Variants in LRRIQ1 observed in about 807,000 individuals in gnomAD.
LRRIQ1 encodes the protein leucine rich repeats and IQ motif containing 1.
LRRIQ1 carries 210 observed loss-of-function variants against 211.9 expected under a neutral mutation model. That is an observed-to-expected ratio of 0.99 (90% CI 0.89 to 1.11). The LOEUF is 1.11. LRRIQ1 is among the 50% of genes most tolerant of loss of function. The probability of loss-of-function intolerance (pLI) is 0.00; values close to 1 mark genes in which losing one functional copy is unlikely to be tolerated. For synonymous variants in LRRIQ1, 699 were observed against 650.1 expected (o/e 1.08, Z -1.14); for missense variants, 2,136 against 1,939.5 (o/e 1.10, Z -1.90).
intron 9 of LRRIQ1, among the ~76,000 whole-genome samples, chr12:85,066,025 G>A (rs1176870898): frequency 2.0e-5 from 3 of 151,836 alleles, no homozygotes; most frequent in African/African-American, 7.3e-5. Flanking sequence ...ACATCATGTT[G>A]GCTAATGTTT....
At chr12:85,100,708 C>T (rs76445307) in intron 13 of LRRIQ1, among the ~76,000 whole-genome samples, 3,766 of 151,692 alleles carry the variant, frequency 0.025, 161 homozygotes, top group East Asian at 0.2. Context: ...TACCTGTAAC[C>T]TTCTGCCATT....
chr12:85,265,764 CTT>C (rs1896405164), downstream of LRRIQ1, among the ~76,000 whole-genome samples: 1 of 151,750 alleles, frequency 6.6e-6, no homozygotes, highest in South Asian at 2.1e-4. Flanking sequence ...ATAATAATAT[CTT>C]GTTTCTTTTT....
chr12:85,231,714 C>T (rs1894950203), intron 25 of LRRIQ1, among the ~76,000 whole-genome samples: 1 of 152,088 alleles, frequency 6.6e-6, no homozygotes, highest in African/African-American at 2.4e-5. Flanking sequence ...CTCATGGGAA[C>T]TAATCCAGTC....
chr12:85,040,476 AT>A lies in LRRIQ1; in HGVS notation c.133-12del, dbSNP rs777201755. 5.5e-6 allele frequency: 8 copies of A among 1,461,484 alleles called. No homozygotes were observed. The highest frequency in any genetic ancestry group is 1.4e-5 in the African/African-American group (1 of 70,284). 90.5% of individuals were successfully genotyped at this position (1,461,484 alleles called of 1,614,324 possible). ...AAACACTTTCACAGTTTCTTGTATT[AT>A]TCAAATTTTTAGGATTCAGTTGAAT... On this transcript the variant is annotated splice_polypyrimidine_tract_variant and intron_variant, in intron 2 of 26. Coordinates refer to ENST00000393217, the MANE Select transcript of LRRIQ1 (RefSeq NM_001079910.2).
intron 1 of LRRIQ1, among the ~76,000 whole-genome samples, chr12:85,257,124 A>AAT (rs36128951): frequency 1.4e-4 from 4 of 29,232 alleles, no homozygotes; most frequent in Non-Finnish European, 2.9e-4. Flanking sequence ...ATTACATAAT[A>AAT]TATAATATAT....
intron 18 of LRRIQ1, among the ~76,000 whole-genome samples, chr12:85,136,352 C>T (rs1889132370): frequency 6.6e-6 from 1 of 151,910 alleles, no homozygotes. Context: ...AAAAAGGGAA[C>T]GCTTCAGGTA....
At chr12:85,074,729 A>C (rs1214772775) in intron 11 of LRRIQ1, among the ~76,000 whole-genome samples, 1 of 152,072 alleles carries the variant, frequency 6.6e-6, no homozygotes, top group African/African-American at 2.4e-5. Context: ...AAAATTGGTA[A>C]AACTGTGTTT....
intron 26 of LRRIQ1, among the ~76,000 whole-genome samples, chr12:85,244,110 T>G (rs2137272222): frequency 6.6e-6 from 1 of 151,744 alleles, no homozygotes; most frequent in South Asian, 2.1e-4. Flanking sequence ...TGTACAACAC[T>G]GTTTTATAGG....
intron 24 of LRRIQ1, among the ~76,000 whole-genome samples, chr12:85,183,913 A>C (rs559041492): frequency 5.9e-5 from 9 of 152,210 alleles, no homozygotes; most frequent in African/African-American, 2.2e-4. Context: ...TTAAAATTAC[A>C]TACAGGCATA....
intron 15 of LRRIQ1, among the ~76,000 whole-genome samples, chr12:85,110,019 C>T (rs1887060589): frequency 1.3e-5 from 2 of 152,040 alleles, no homozygotes; most frequent in Non-Finnish European, 2.9e-5. Flanking sequence ...ATGATAGTCT[C>T]ATGGGGTGGT....
chr12:85,094,881 T>C (rs1045862852), intron 11 of LRRIQ1, among the ~76,000 whole-genome samples: 9 of 152,082 alleles, frequency 5.9e-5, no homozygotes, highest in African/African-American at 2.2e-4. Flanking sequence ...TGTATGTCTA[T>C]TGTAAATGGA....
At chr12:85,253,900 G>A (rs1896016489) in intron 1 of LRRIQ1, among the ~76,000 whole-genome samples, 1 of 152,000 alleles carries the variant, frequency 6.6e-6, no homozygotes, top group Non-Finnish European at 1.5e-5. Context: ...ATCTGCTGAT[G>A]TAGTTTGGAT....
chr12:85,196,552 AC>A (rs1328248253), intron 24 of LRRIQ1, among the ~76,000 whole-genome samples: 3 of 152,146 alleles, frequency 2.0e-5, no homozygotes, highest in Non-Finnish European at 4.4e-5. Context: ...TCTTTGACAA[AC>A]CTGAGAAAAA....
At chr12:85,228,167 C>G (rs192526213) in intron 24 of LRRIQ1, among the ~76,000 whole-genome samples, 1 of 152,150 alleles carries the variant, frequency 6.6e-6, no homozygotes, top group Admixed American at 6.6e-5. Flanking sequence ...CCAAAATTGA[C>G]CAATGGGATC....
At chr12:85,194,541 A>G (rs1328630061) in intron 24 of LRRIQ1, among the ~76,000 whole-genome samples, 2 of 145,690 alleles carry the variant, frequency 1.4e-5, no homozygotes, top group Non-Finnish European at 3.0e-5. Context: ...GCTCAACTAC[A>G]TGGAAACTGA....
At chr12:85,117,729 A>G (rs1887684262) in intron 15 of LRRIQ1, among the ~76,000 whole-genome samples, 1 of 152,200 alleles carries the variant, frequency 6.6e-6, no homozygotes, top group South Asian at 2.1e-4. Flanking sequence ...ACAGAATCAG[A>G]GTATCTTCTT....
At chr12:85,109,006 C>G (rs900919912) in intron 15 of LRRIQ1, among the ~76,000 whole-genome samples, 1 of 152,212 alleles carries the variant, frequency 6.6e-6, no homozygotes, top group Non-Finnish European at 1.5e-5. Context: ...ACACCTGATC[C>G]TAGGGCAGAA....
At chr12:85,176,953 AT>A (rs1891738498) in intron 24 of LRRIQ1, among the ~76,000 whole-genome samples, 1 of 152,058 alleles carries the variant, frequency 6.6e-6, no homozygotes, top group Non-Finnish European at 1.5e-5. Flanking sequence ...CAGTGGCGGA[AT>A]AAAAATCATA....
At chr12:85,157,237 A>G (rs767700043) in intron 23 of LRRIQ1, among the ~76,000 whole-genome samples, 41 of 152,048 alleles carry the variant, frequency 2.7e-4, no homozygotes, top group Non-Finnish European at 4.4e-4. Flanking sequence ...GGGGAGACTT[A>G]GTATCGATGA....
Sources: gnomAD v4.1 joint callset for allele counts (sites outside exome capture counted in the v4.1 genomes callset) on GRCh38, gnomAD v4.1.1 for gene constraint, MANE v1.5 for transcripts, NCBI Gene and HGNC (gene_info 2026-07-23, HGNC 2026-07-21) for gene names.